The following NFIX variants were observed in gnomAD, a reference collection of about 807,000 sequenced individuals.
The protein encoded by NFIX is nuclear factor 1 X-type.
Under a neutral mutation model 53.3 loss-of-function variants are expected in NFIX, and 2 were observed. That is an observed-to-expected ratio of 0.04 (90% CI 0.02 to 0.12). The LOEUF (loss-of-function observed/expected upper bound fraction) is 0.12, where lower values mean the gene tolerates loss of function less well. Ranked by LOEUF, NFIX falls within the 10% of genes least tolerant of loss-of-function variation. The probability of loss-of-function intolerance (pLI) is 1.00; values close to 1 mark genes in which losing one functional copy is unlikely to be tolerated. For synonymous variants in NFIX, 244 were observed against 289.0 expected, an observed-to-expected ratio of 0.84 and a Z score of 1.58; for missense variants, 310 against 674.5, an observed-to-expected ratio of 0.46 and a Z score of 5.99.
chr19:13,033,615 C>T (rs564624465), intron 2 of NFIX, among the ~76,000 whole-genome samples: 1 of 152,352 alleles, frequency 6.6e-6, no homozygotes, highest in Non-Finnish European at 1.5e-5. Flanking sequence ...GTGGGCATGC[C>T]CTTGGTCTCT....
At chr19:13,047,783 C>G (rs1009694803) in intron 2 of NFIX, among the ~76,000 whole-genome samples, 3 of 152,166 alleles carry the variant, frequency 2.0e-5, no homozygotes, top group African/African-American at 7.2e-5. Flanking sequence ...TCCTGGCTTT[C>G]CATCTGCAGT....
chr19:13,065,524 C>T (rs539197405), intron 2 of NFIX, among the ~76,000 whole-genome samples: 15 of 152,318 alleles, frequency 9.8e-5, no homozygotes, highest in African/African-American at 3.4e-4. Context: ...TGCAGGCCCA[C>T]TCGCATGTCC....
chr19:13,076,824 T>G (rs2017131196), intron 6 of NFIX, among the ~76,000 whole-genome samples: 1 of 152,118 alleles, frequency 6.6e-6, no homozygotes, highest in Middle Eastern at 3.2e-3. Context: ...TTCTGGCAGC[T>G]TCTCCTCCTC....
intron 2 of NFIX, among the ~76,000 whole-genome samples, chr19:13,030,358 A>G (rs2013705004): frequency 6.6e-6 from 1 of 152,192 alleles, no homozygotes; most frequent in Non-Finnish European, 1.5e-5. Context: ...TAATATGTAA[A>G]GATACCGGCA....
chr19:13,000,979 C>T (rs2011661994), intron 1 of NFIX, among the ~76,000 whole-genome samples: 1 of 152,174 alleles, frequency 6.6e-6, no homozygotes, highest in Non-Finnish European at 1.5e-5. Flanking sequence ...GATATTGTCT[C>T]CCCCACCCCC....
chr19:13,050,243 GCT>G (rs1340086524), intron 2 of NFIX, among the ~76,000 whole-genome samples: 2 of 152,200 alleles, frequency 1.3e-5, no homozygotes, highest in Admixed American at 1.3e-4. Flanking sequence ...AGCATTTGGA[GCT>G]CTCTATAGCC....
At position 12,998,568 on chromosome 19, in the gene NFIX, C is replaced by T. The variant is rs765262435; in HGVS notation, c.27+2704C>T. On this transcript the variant is annotated intron_variant, in intron 1 of 10. Coordinates refer to ENST00000592199, the MANE Select transcript of NFIX (RefSeq NM_001365902.3). The surrounding 1 kb of genome is among the most constrained non-coding windows in gnomAD (Gnocchi z 4.4). ...TGTAGCCACAGTCCTGAGTCTCAGG[C>T]GGAGAGAGGGGTGGGGGGTGGATGG... 5.9e-5 allele frequency among the ~76,000 whole-genome samples: 9 copies of T among 151,792 alleles called. No homozygotes were observed. Among genetic ancestry groups the T allele is most frequent in the East Asian group, 1.9e-4 (1 of 5,158 alleles).
At position 13,012,178 on chromosome 19, in the gene NFIX, G is replaced by GTCTGGCATGT. The variant is rs2012389832; in HGVS notation, c.28-12843_28-12842insTCTGGCATGT. The stretch of plus-strand genomic sequence containing the variant: ...CTTCGAGGCCCCGGATGTCAGACGC[G>GTCTGGCATGT]ACCTGTGTGGCATGTACCAGGCTGG... On this transcript the variant is annotated intron_variant, in intron 1 of 10. Transcript: ENST00000592199. This position sits in a 1 kb window ranked among gnomAD's most constrained non-coding sequence, Gnocchi z 5.0. The GTCTGGCATGT allele has an allele frequency of 1.3e-5, 2 of 152,274 alleles. No individual in the cohort carries two copies. Among genetic ancestry groups the GTCTGGCATGT allele is most frequent in the Non-Finnish European group, 2.9e-5 (2 of 68,072 alleles). 9.4% of individuals were successfully genotyped at this position (152,274 alleles called of 1,614,324 possible). A position where few individuals can be genotyped will look rare whatever the true frequency, so the allele number is the denominator to read the frequency against.
Position 13,025,862 on chromosome 19 carries a change from A to G in NFIX, c.559+310A>G, listed in dbSNP as rs549613159. On this transcript the variant is annotated intron_variant, in intron 2 of 10. Transcript: ENST00000592199. The surrounding 1 kb of genome is among the most constrained non-coding windows in gnomAD (Gnocchi z 7.5). ...TTAGGATTGGGGACATGATGCCCCC[A>G]GAATTATCCATGATGGTGAGAGTTT... Among the ~76,000 whole-genome samples the G allele has an allele frequency of 3.9e-5, 6 of 152,366 alleles. No homozygotes were observed. In the East Asian group the frequency reaches 9.7e-4, roughly 25 times the overall value.
chr19:13,062,015 G>T (rs753120162), intron 2 of NFIX, among the ~76,000 whole-genome samples: 49 of 152,214 alleles, frequency 3.2e-4, no homozygotes, highest in Non-Finnish European at 6.0e-4. Flanking sequence ...GCTCCAAGCT[G>T]GAAATTTGCA....
At chr19:13,082,935 G>T (rs971946593) in intron 8 of NFIX, among the ~76,000 whole-genome samples, 1 of 152,238 alleles carries the variant, frequency 6.6e-6, no homozygotes, top group African/African-American at 2.4e-5. Context: ...CTGGCAGAGC[G>T]AGCATTTGCT....
At chr19:12,999,301 T>C (rs762153612) in intron 1 of NFIX, among the ~76,000 whole-genome samples, 5 of 151,476 alleles carry the variant, frequency 3.3e-5, no homozygotes, top group African/African-American at 4.9e-5. Flanking sequence ...GCTTCCCGAG[T>C]AGCTGGGATT....
intron 2 of NFIX, among the ~76,000 whole-genome samples, chr19:13,038,863 G>A (rs998412080): frequency 5.3e-5 from 8 of 152,300 alleles, no homozygotes; most frequent in South Asian, 4.1e-4. Flanking sequence ...CTGGGCTGTG[G>A]GCTACCCGTT....
chr19:13,070,607 G>A lies in NFIX; in HGVS notation c.560-2440G>A, dbSNP rs74786963. On this transcript the variant is annotated intron_variant, in intron 2 of 10. Coordinates refer to ENST00000592199, the MANE Select transcript of NFIX (RefSeq NM_001365902.3). ...AGCTGAGCTGAGCATGTCAGGGGCC[G>A]GCGGTCGCGGCATTGTGGGCCTCCG... 1.1e-3 allele frequency: 172 copies of A among 152,568 alleles called. 1 individual carries two copies. In the East Asian group the frequency reaches 0.024, roughly 21 times the overall value. The allele number at this position is 152,568 out of a possible 1,614,324, so 9.5% of individuals were successfully genotyped here.
At position 13,025,563 on chromosome 19, in the gene NFIX, C is replaced by A; in HGVS notation, c.559+11C>A. 2.5e-6 allele frequency: 4 copies of A among 1,598,532 alleles called. No homozygotes were observed. Among genetic ancestry groups the A allele is most frequent in the Non-Finnish European group, 3.4e-6 (4 of 1,170,424 alleles). ...TTGTCCACACTCCGGGTAGGTCGTTCTCAACCATTTTTCCCTCTCATTTTA... is the reference window on the plus strand; with the variant it reads ...TTGTCCACACTCCGGGTAGGTCGTTATCAACCATTTTTCCCTCTCATTTTA... On this transcript the variant is annotated intron_variant, in intron 2 of 10. Coordinates refer to ENST00000592199, the MANE Select transcript of NFIX (RefSeq NM_001365902.3). The surrounding 1 kb of genome is among the most constrained non-coding windows in gnomAD (Gnocchi z 7.5).
In NFIX at chr19:13,088,998, G is replaced by A. The variant is rs1445911860; in HGVS notation, c.1402+862G>A. 6.6e-6 allele frequency among the ~76,000 whole-genome samples: 1 copy of A among 151,796 alleles called. No individual in the cohort carries two copies. The highest frequency in any genetic ancestry group is 1.5e-5 in the Non-Finnish European group (1 of 67,964). On this transcript the variant is annotated intron_variant, in intron 9 of 10. Transcript: ENST00000592199. This position sits in a 1 kb window ranked among gnomAD's most constrained non-coding sequence, Gnocchi z 5.9. ...TGGGCCAGGGTGGGCAGCTCTGGGG[G>A]TGGGCAGGCCACAGGCCAGGGCAGT...
intron 8 of NFIX, among the ~76,000 whole-genome samples, chr19:13,086,113 C>G (rs1291211313): frequency 6.6e-6 from 1 of 152,206 alleles, no homozygotes; most frequent in Admixed American, 6.5e-5. Flanking sequence ...TCGCAGCAAG[C>G]CAGCGTGCAG....
chr19:12,997,730 A>G (rs1223091797), intron 1 of NFIX, among the ~76,000 whole-genome samples: 1 of 151,778 alleles, frequency 6.6e-6, no homozygotes, highest in East Asian at 1.9e-4. Context: ...CTGCTCCCCC[A>G]TGGCTTGGGT....
At chr19:13,079,640 G>A (rs2017339241) in intron 7 of NFIX, among the ~76,000 whole-genome samples, 1 of 152,134 alleles carries the variant, frequency 6.6e-6, no homozygotes, top group Non-Finnish European at 1.5e-5. Flanking sequence ...AGAGGCAGCC[G>A]GTGCTGGGGC....
Sources: allele counts gnomAD v4.1 joint callset (sites outside exome capture counted in the v4.1 genomes callset), GRCh38; gene constraint gnomAD v4.1.1; non-coding constraint Gnocchi (gnomAD v3.1); transcripts MANE v1.5; gene names NCBI Gene and HGNC (gene_info 2026-07-23, HGNC 2026-07-21).